The following BBX variants were observed in gnomAD, a reference collection of about 807,000 sequenced individuals.
The protein encoded by BBX is HMG box transcription factor BBX.
In BBX, 30 loss-of-function variants were observed where a neutral mutation model predicts 100.2. The ratio of observed to expected loss-of-function variants is 0.30; its 90% CI spans 0.22 to 0.41. The LOEUF is 0.41. Ranked by LOEUF, BBX falls within the 10% of genes least tolerant of loss-of-function variation. The pLI, the probability that BBX is intolerant of heterozygous loss-of-function variation, is 1.00. For missense variants in BBX, 1,023 were observed against 1,129.8 expected (o/e 0.91, Z 1.35); for synonymous variants, 376 against 388.1 (o/e 0.97, Z 0.37).
chr3:107,703,051 G>A (rs2061178850), intron 3 of BBX, among the ~76,000 whole-genome samples: 1 of 152,110 alleles, frequency 6.6e-6, no homozygotes, highest in South Asian at 2.1e-4. Context: ...AAAGGAGGAG[G>A]AGACACCCAT....
chr3:107,529,481 A>G (rs1261004283), intron 2 of BBX, among the ~76,000 whole-genome samples: 1 of 152,250 alleles, frequency 6.6e-6, no homozygotes, highest in Admixed American at 6.5e-5. Context: ...AGATGCAGGC[A>G]GTCCTCAGTA....
At chr3:107,623,049 G>A (rs981772428) in intron 2 of BBX, among the ~76,000 whole-genome samples, 1 of 152,164 alleles carries the variant, frequency 6.6e-6, no homozygotes, top group Non-Finnish European at 1.5e-5. Flanking sequence ...TGTAGCTTGG[G>A]TGAGATGAAG....
intron 2 of BBX, among the ~76,000 whole-genome samples, chr3:107,574,950 A>G (rs887757116): frequency 3.3e-5 from 5 of 152,216 alleles, no homozygotes; most frequent in African/African-American, 1.2e-4. Context: ...ACTGGCCATT[A>G]GAATTGTTTC....
At chr3:107,706,302 C>T (rs975789030) in intron 3 of BBX, among the ~76,000 whole-genome samples, 5 of 152,076 alleles carry the variant, frequency 3.3e-5, no homozygotes, top group African/African-American at 4.8e-5. Flanking sequence ...AGATTACAGA[C>T]GTGAGCCACC....
intron 15 of BBX, among the ~76,000 whole-genome samples, chr3:107,791,601 C>T (rs1699311871): frequency 6.6e-6 from 1 of 152,230 alleles, no homozygotes; most frequent in Admixed American, 6.5e-5. Flanking sequence ...GTTCATGTTG[C>T]AGGCAGATGC....
At chr3:107,755,781 A>G in intron 10 of BBX, 103 bp downstream of exon 10, 2 of 955,162 alleles carry the variant, frequency 2.1e-6, no homozygotes, top group Non-Finnish European at 3.2e-6. Context: ...TGTGACCATA[A>G]AATGAGTTAC....
chr3:107,652,917 G>A (rs1019688157), intron 3 of BBX, among the ~76,000 whole-genome samples: 8 of 152,024 alleles, frequency 5.3e-5, no homozygotes, highest in African/African-American at 1.7e-4. Flanking sequence ...ACTTGTTTAT[G>A]CTAGAAAGTT....
At chr3:107,646,193 C>T (rs932570916) in intron 3 of BBX, 28 of 152,170 alleles carry the variant, frequency 1.8e-4, no homozygotes, top group African/African-American at 6.3e-4. Flanking sequence ...AGTCAGTTTT[C>T]TAAAGTCCTA....
chr3:107,733,516 AGG>A (rs538989106), intron 7 of BBX, among the ~76,000 whole-genome samples: 137 of 152,266 alleles, frequency 9.0e-4, no homozygotes, highest in African/African-American at 3.2e-3. Flanking sequence ...CCCTTGAGAC[AGG>A]GTCTCACTCT....
intron 2 of BBX, among the ~76,000 whole-genome samples, chr3:107,544,054 A>G (rs149143684): frequency 3.0e-4 from 46 of 152,276 alleles, no homozygotes; most frequent in African/African-American, 1.1e-3. Flanking sequence ...TATATTTGTA[A>G]GTTTTATTTG....
At chr3:107,753,271 C>T (rs2065212820) in intron 9 of BBX, among the ~76,000 whole-genome samples, 1 of 152,164 alleles carries the variant, frequency 6.6e-6, no homozygotes, top group African/African-American at 2.4e-5. Context: ...TTCCACCCTT[C>T]CTTCCCTCAA....
chr3:107,710,457 A>G lies in BBX; in HGVS notation c.-4A>G. ...TCTCTCTCTTCCTATTACAGGTCACAGTAATGAAAGGCAGTAATAGAAATA... is the reference window on the plus strand; with the variant it reads ...TCTCTCTCTTCCTATTACAGGTCACGGTAATGAAAGGCAGTAATAGAAATA... On this transcript the variant is annotated 5_prime_UTR_variant, in exon 4 of 18. Transcript: ENST00000325805. 4 of 1,610,586 alleles carry G rather than the reference A, an allele frequency of 2.5e-6. No individual in the cohort carries two copies. The highest frequency in any genetic ancestry group is 3.4e-6 in the Non-Finnish European group (4 of 1,177,758).
chr3:107,710,601 CGAA>C lies in BBX; in HGVS notation c.144_146del (p.Glu50del), dbSNP rs2061655993. The C allele has an allele frequency of 1.2e-6, 2 of 1,611,420 alleles. No homozygotes were observed. The highest frequency in any genetic ancestry group is 2.7e-5 in the African/African-American group (2 of 74,672). On this transcript the variant is annotated inframe_deletion, in exon 4 of 18. Coordinates refer to ENST00000325805, the MANE Select transcript of BBX (RefSeq NM_001142568.3). ...TTTCAGAAGAGGAAGAAGAGGAAGA[CGAA>C]GAGGAGGATATTGATAAGGTAAGTC... is the stretch of plus-strand genomic sequence containing the variant.
In BBX at chr3:107,728,903, C is replaced by A; in HGVS notation, c.544C>A (p.Pro182Thr). ...CCCATCTGACTCTTCAAGAGACTTGCCAAGCCCCAAGAAAGCAAAGACTGA... is the reference window on the plus strand; with the variant it reads ...CCCATCTGACTCTTCAAGAGACTTGACAAGCCCCAAGAAAGCAAAGACTGA... ...AFPSDSSRDL[P>T]SPKKAKTEEM... Residue 182 changes from proline to threonine, a missense_variant, in exon 6 of 18, where the codon CCA becomes ACA. Physicochemically the swap from Pro to Thr is conservative, Grantham distance 38. Coordinates refer to ENST00000325805, the MANE Select transcript of BBX (RefSeq NM_001142568.3). 6.2e-7 allele frequency: 1 copy of A among 1,613,874 alleles called. No homozygotes were observed.
intron 2 of BBX, among the ~76,000 whole-genome samples, chr3:107,641,263 T>C (rs909946397): frequency 1.3e-5 from 2 of 152,026 alleles, no homozygotes; most frequent in Non-Finnish European, 2.9e-5. Flanking sequence ...TTTTGTATTT[T>C]TAGTAGAGAT....
intron 3 of BBX, among the ~76,000 whole-genome samples, chr3:107,703,778 A>G (rs1490285385): frequency 6.6e-6 from 1 of 152,230 alleles, no homozygotes; most frequent in Non-Finnish European, 1.5e-5. Context: ...TAGAATTACA[A>G]GAAATAATAA....
rs753588937 is a variant in BBX at position 107,772,866 on chromosome 3, T to C, written c.1145T>C (p.Met382Thr). The C allele has an allele frequency of 7.4e-6, 12 of 1,612,930 alleles. No homozygotes were observed. Among genetic ancestry groups the C allele is most frequent in the Non-Finnish European group, 5.9e-6 (7 of 1,179,788 alleles). ...NFEALQIDDI[M>T]AIKMEDPKEI... ...GAGGCATTGCAAATAGATGACATAATGGCTATAAAAATGGAAGATCCCAAA... is the reference window on the plus strand; with the variant it reads ...GAGGCATTGCAAATAGATGACATAACGGCTATAAAAATGGAAGATCCCAAA... Residue 382 changes from methionine to threonine, a missense_variant, in exon 11 of 18, where the codon ATG (methionine) becomes ACG (threonine). Met to Thr is a moderately conservative substitution (Grantham distance 81, BLOSUM62 -1). Coordinates refer to ENST00000325805, the MANE Select transcript of BBX (RefSeq NM_001142568.3).
At chr3:107,731,923 G>C (rs956158900) in intron 6 of BBX, among the ~76,000 whole-genome samples, 11 of 152,128 alleles carry the variant, frequency 7.2e-5, no homozygotes, top group African/African-American at 2.7e-4. Context: ...TATGTACTAG[G>C]AGAGATGCCG....
chr3:107,580,833 G>T (rs1002435680), intron 2 of BBX, among the ~76,000 whole-genome samples: 1 of 152,196 alleles, frequency 6.6e-6, no homozygotes, highest in Admixed American at 6.5e-5. Flanking sequence ...GTTTCACCAT[G>T]TTGGCCAGGC....
Sources: allele counts gnomAD v4.1 joint callset (sites outside exome capture counted in the v4.1 genomes callset), GRCh38; gene constraint gnomAD v4.1.1; transcripts MANE v1.5; gene names NCBI Gene and HGNC (gene_info 2026-07-23, HGNC 2026-07-21).